Variants in MLH3 observed in about 807,000 individuals in gnomAD.
MLH3 encodes mutL homolog 3.
In MLH3, 82 loss-of-function variants were observed where a neutral mutation model predicts 122.2. The ratio of observed to expected loss-of-function variants is 0.67; its 90% CI spans 0.56 to 0.81. MLH3 has a LOEUF of 0.81. Among genes scored for constraint, MLH3 ranks in the 30% least tolerant of loss-of-function variants. The pLI, the probability that MLH3 is intolerant of heterozygous loss-of-function variation, is 0.00. For synonymous variants in MLH3, 524 were observed against 599.5 expected, an observed-to-expected ratio of 0.87 and a Z score of 1.84; for missense variants, 1,539 against 1,714.5, an observed-to-expected ratio of 0.90 and a Z score of 1.81.
intron 2 of MLH3, among the ~76,000 whole-genome samples, chr14:75,042,686 C>CAGACAGAATAGATATATATTCTATCT (rs28757006): frequency 0.018 from 2,695 of 152,172 alleles, 87 homozygotes; most frequent in African/African-American, 0.063. Flanking sequence ...ATTATCTATT[C>CAGACAGAATAGATATATATTCTATCT]ATACCAGACA....
In MLH3 at chr14:75,049,430, T is replaced by C. The variant is rs1892514728; in HGVS notation, c.226A>G (p.Ser76Gly). The C allele has an allele frequency of 6.2e-7, 1 of 1,614,012 alleles. No individual in the cohort carries two copies. Among genetic ancestry groups the C allele is most frequent in the South Asian group, 1.1e-5 (1 of 91,088 alleles). The change falls in exon 2 of 13, where the codon AGT becomes GGT. Residue 76 changes from serine to glycine, a missense_variant. Coordinates refer to ENST00000355774, the MANE Select transcript of MLH3 (RefSeq NM_001040108.2). ...VEKVGNRYFT[S>G]KCHSVQDLEN... The stretch of plus-strand genomic sequence containing the variant: ...AAGTCCTGTACCGAGTGGCATTTAC[T>C]GGTGAAATAACGATTTCCCACTTTC...
chr14:75,049,952 CAT>C (rs1363956415), intron 1 of MLH3, among the ~76,000 whole-genome samples: 2 of 152,192 alleles, frequency 1.3e-5, no homozygotes, highest in African/African-American at 2.4e-5. Context: ...CTAAATCCCA[CAT>C]GTCCTAAAGT....
rs960714015 is a variant in MLH3 at position 75,014,313 on chromosome 14, C to G, written c.*2769G>C. 2.3e-5 allele frequency: 4 copies of G among 175,400 alleles called. No individual in the cohort carries two copies. Among genetic ancestry groups the G allele is most frequent in the African/African-American group, 9.5e-5 (4 of 42,186 alleles). 10.9% of individuals were successfully genotyped at this position (175,400 alleles called of 1,614,324 possible). ...GACTGCTAGAACCTCTCCATTCTTA[C>G]ATCTCATGTAGTTCCAGGTCCCCAG... On this transcript the variant is annotated 3_prime_UTR_variant, in exon 13 of 13. Coordinates refer to ENST00000355774, the MANE Select transcript of MLH3 (RefSeq NM_001040108.2).
At position 75,048,792 on chromosome 14, in the gene MLH3, C is replaced by T. The variant is rs552320092; in HGVS notation, c.864G>A (p.Arg288=). The T allele has an allele frequency of 1.9e-6, 3 of 1,614,074 alleles. No individual in the cohort carries two copies. Among genetic ancestry groups the T allele is most frequent in the Non-Finnish European group, 2.5e-6 (3 of 1,179,994 alleles). Residue 288 remains arginine, a synonymous_variant, in exon 2 of 13, where the codon AGG becomes AGA. Transcript: ENST00000355774. ...ICKPKNGPTS[R]QMNSSLRHRS... Reference sequence around the variant, plus strand: ...GGTGCCGAAGACTTGAATTCATTTGCCTACTGGTGGGACCATTCTTTGGCT... The same window carrying T: ...GGTGCCGAAGACTTGAATTCATTTGTCTACTGGTGGGACCATTCTTTGGCT...
At position 75,049,475 on chromosome 14, in the gene MLH3, T is replaced by A; in HGVS notation, c.181A>T (p.Met61Leu). ...ACTTTCTCTACATCATCACTCCCCA[T>A]CCCAAATCCATTGTCTATCACTTGA... ...QVQVIDNGFG[M>L]GSDDVEKVGN... Residue 61 changes from methionine to leucine, a missense_variant, in exon 2 of 13, where the codon ATG (methionine) becomes TTG (leucine). Met to Leu is a conservative substitution (Grantham distance 15). Transcript: ENST00000355774. 1.2e-6 allele frequency: 2 copies of A among 1,614,136 alleles called. No individual in the cohort carries two copies. The highest frequency in any genetic ancestry group is 1.7e-6 in the Non-Finnish European group (2 of 1,180,028).
chr14:75,028,123 CAT>C (rs1161150440), intron 9 of MLH3, among the ~76,000 whole-genome samples: 2 of 150,858 alleles, frequency 1.3e-5, no homozygotes, highest in Non-Finnish European at 3.0e-5. Flanking sequence ...AAAAAAGAAA[CAT>C]ATAAGTAATC....
chr14:75,049,212 C>T lies in MLH3; in HGVS notation c.444G>A (p.Val148=), dbSNP rs11556091. ...TRASAGTTVT[V]YNLFYQLPVR... is the part of the protein sequence containing the mutation. ...CAGGAAGCTGGTAAAATAGGTTATA[C>T]ACTGTTACAGTAGTCCCAGCGCTTG... The change falls in exon 2 of 13, where the codon GTG becomes GTA. Residue 148 remains valine (V), a synonymous_variant. Coordinates refer to ENST00000355774, the MANE Select transcript of MLH3 (RefSeq NM_001040108.2). 6.2e-7 allele frequency: 1 copy of T among 1,614,210 alleles called. No homozygotes were observed.
In MLH3 at chr14:75,014,535, T is replaced by C. The variant is rs1889798561; in HGVS notation, c.*2547A>G. 1.0e-5 allele frequency: 2 copies of C among 199,296 alleles called. No individual in the cohort carries two copies. The highest frequency in any genetic ancestry group is 6.1e-5 in the Admixed American group (1 of 16,502). The allele number at this position is 199,296 out of a possible 1,614,324, so 12.3% of individuals were successfully genotyped here. A position where few individuals can be genotyped will look rare whatever the true frequency, so the allele number is the denominator to read the frequency against. ...TAACTAGCTGTGACTCTGTGATACC[T>C]AACGCCAGAAGAAGCTACTATATTC... On this transcript the variant is annotated 3_prime_UTR_variant, in exon 13 of 13. Transcript: ENST00000355774.
chr14:75,030,750 T>C, intron 8 of MLH3, 48 bp from the exon 9 acceptor site: 2 of 1,505,384 alleles, frequency 1.3e-6, no homozygotes, highest in Non-Finnish European at 1.8e-6. Flanking sequence ...TGCTACTTCA[T>C]TTGCACTTCA....
At chr14:75,050,599 C>T (rs1407429655) in intron 1 of MLH3, among the ~76,000 whole-genome samples, 2 of 152,048 alleles carry the variant, frequency 1.3e-5, no homozygotes, top group Admixed American at 1.3e-4. Flanking sequence ...GGGGTTTCAC[C>T]ATGTTAACCA....
At chr14:75,025,275 C>T (rs546356318) in intron 9 of MLH3, among the ~76,000 whole-genome samples, 69 of 152,254 alleles carry the variant, frequency 4.5e-4, no homozygotes, top group Non-Finnish European at 8.1e-4. Flanking sequence ...TCCTGCTTCA[C>T]GCACTCCTGA....
intron 12 of MLH3, among the ~76,000 whole-genome samples, chr14:75,018,181 GC>G (rs1418437534): frequency 1.8e-4 from 27 of 152,252 alleles, no homozygotes; most frequent in Admixed American, 6.5e-5. Context: ...TTGGAAAGCA[GC>G]AACAGGGACA....
rs1892415854 is a variant in MLH3, at chr14:75,048,374, A to G, written c.1282T>C (p.Ser428Pro). Residue 428 changes from serine (S) to proline (P), a missense_variant, in exon 2 of 13, where the codon TCA becomes CCA. Physicochemically the swap from Ser to Pro is moderately conservative, Grantham distance 74. Coordinates refer to ENST00000355774, the MANE Select transcript of MLH3 (RefSeq NM_001040108.2). ...ENVNTQSSRD[S>P]EATRKNTNDA... ...TTTGTATTTTTTCTGGTAGCTTCTG[A>G]ATCCCTAGAACTCTGTGTGTTTACG... is the stretch of plus-strand genomic sequence containing the variant. The G allele has an allele frequency of 6.2e-7, 1 of 1,613,392 alleles. No homozygotes were observed. Among genetic ancestry groups the G allele is most frequent in the Non-Finnish European group, 8.5e-7 (1 of 1,179,746 alleles).
chr14:75,017,033 G>A lies in MLH3; in HGVS notation c.*49C>T, dbSNP rs753763954. On this transcript the variant is annotated 3_prime_UTR_variant, in exon 13 of 13. Coordinates refer to ENST00000355774, the MANE Select transcript of MLH3 (RefSeq NM_001040108.2). ...CTGCTGCTGCTGCTCTCTGCTCAGA[G>A]GCATACAGTGAACATCCCTTTGTTC... 6.2e-7 allele frequency: 1 copy of A among 1,606,976 alleles called. No individual in the cohort carries two copies. The highest frequency in any genetic ancestry group is 8.5e-7 in the Non-Finnish European group (1 of 1,175,276).
chr14:75,027,161 G>A (rs111781898), intron 9 of MLH3, among the ~76,000 whole-genome samples: 2,458 of 151,980 alleles, frequency 0.016, 82 homozygotes, highest in African/African-American at 0.055. Context: ...TTCAAAATGC[G>A]GGGGGGATAA....
chr14:75,047,391 C>G lies in MLH3; in HGVS notation c.2265G>C (p.Glu755Asp). The part of the protein sequence containing the change: ...LSLSSQLGSL[E>D]KFKRQYGKVE... ...CCTTCCCATATTGCCTCTTAAACTTCTCTAAAGATCCTAGCTGTGAACTCA... is the reference window on the plus strand; with the variant it reads ...CCTTCCCATATTGCCTCTTAAACTTGTCTAAAGATCCTAGCTGTGAACTCA... Residue 755 changes from glutamate to aspartate, a missense_variant, in exon 2 of 13, where the codon GAG (glutamate) becomes GAC (aspartate). By Grantham distance (45) the Glu-to-Asp change is conservative. Coordinates refer to ENST00000355774, the MANE Select transcript of MLH3 (RefSeq NM_001040108.2). 4.3e-6 allele frequency: 7 copies of G among 1,614,092 alleles called. No homozygotes were observed. Among genetic ancestry groups the G allele is most frequent in the Non-Finnish European group, 5.9e-6 (7 of 1,179,996 alleles).
chr14:75,050,525 G>A (rs1308840146), intron 1 of MLH3, among the ~76,000 whole-genome samples: 1 of 151,966 alleles, frequency 6.6e-6, no homozygotes, highest in African/African-American at 2.4e-5. Flanking sequence ...TTAGCCTCCC[G>A]AGTAGCTGGG....
chr14:75,049,442 G>C lies in MLH3; in HGVS notation c.214C>G (p.Arg72Gly), dbSNP rs370545907. 1.2e-6 allele frequency: 2 copies of C among 1,613,976 alleles called. No homozygotes were observed. The highest frequency in any genetic ancestry group is 1.7e-6 in the Non-Finnish European group (2 of 1,180,018). The change falls in exon 2 of 13, where the codon CGT becomes GGT. Residue 72 changes from arginine (R) to glycine (G), a missense_variant. Coordinates refer to ENST00000355774, the MANE Select transcript of MLH3 (RefSeq NM_001040108.2). ...GAGTGGCATTTACTGGTGAAATAAC[G>C]ATTTCCCACTTTCTCTACATCATCA... ...GSDDVEKVGN[R>G]YFTSKCHSVQ...
In MLH3 at chr14:75,049,357, A is replaced by G. The variant is rs201611423; in HGVS notation, c.299T>C (p.Ile100Thr). The G allele has an allele frequency of 4.5e-5, 72 of 1,614,080 alleles. No individual in the cohort carries two copies. The highest frequency in any genetic ancestry group is 1.1e-4 in the East Asian group (5 of 44,890). ...YGFRGEALANIADMASAVEIS... is the reference protein window; with the variant it reads ...YGFRGEALANTADMASAVEIS... ...TTCCACAGCACTGGCCATGTCAGCAATATTTGCCAAGGCCTCTCCTCGGAA... is the reference window on the plus strand; with the variant it reads ...TTCCACAGCACTGGCCATGTCAGCAGTATTTGCCAAGGCCTCTCCTCGGAA... Residue 100 changes from isoleucine to threonine, a missense_variant, in exon 2 of 13, where the codon ATT becomes ACT. Transcript: ENST00000355774.
Sources: gnomAD v4.1 joint callset for allele counts (sites outside exome capture counted in the v4.1 genomes callset) on GRCh38, gnomAD v4.1.1 for gene constraint, MANE v1.5 for transcripts, NCBI Gene and HGNC (gene_info 2026-07-23, HGNC 2026-07-21) for gene names.